Variants in CLYBL observed in about 807,000 individuals in gnomAD.
CLYBL encodes the protein citramalyl-CoA lyase.
In CLYBL, 31 loss-of-function variants were observed where a neutral mutation model predicts 38.9. That is an observed-to-expected ratio of 0.80 (90% confidence interval 0.60 to 1.08). CLYBL has a LOEUF of 1.08. CLYBL is among the 50% of genes least tolerant of loss of function. The pLI, the probability that CLYBL is intolerant of heterozygous loss-of-function variation, is 0.00. For synonymous variants in CLYBL, 171 were observed against 158.6 expected, an observed-to-expected ratio of 1.08 and a Z score of -0.59; for missense variants, 434 against 411.6, an observed-to-expected ratio of 1.05 and a Z score of -0.47.
At chr13:99,674,133 A>G (rs933727712) in intron 1 of CLYBL, among the ~76,000 whole-genome samples, 1 of 137,068 alleles carries the variant, frequency 7.3e-6, no homozygotes. Flanking sequence ...TTTTTTAGCT[A>G]CTAGAATTCT....
intron 1 of CLYBL, among the ~76,000 whole-genome samples, chr13:99,737,745 C>T (rs1204417215): frequency 6.6e-6 from 1 of 152,216 alleles, no homozygotes; most frequent in Non-Finnish European, 1.5e-5. Context: ...TTGTTTGTCC[C>T]ATGACCCAGA....
At chr13:99,654,095 C>T (rs750961646) in intron 1 of CLYBL, among the ~76,000 whole-genome samples, 3 of 152,154 alleles carry the variant, frequency 2.0e-5, no homozygotes, top group Non-Finnish European at 2.9e-5. Context: ...GCTCCCACCA[C>T]GTGGGGTAGG....
In CLYBL at chr13:99,716,635, C is replaced by G. The variant is rs898530198; in HGVS notation, c.63-56189C>G. ...CTGACCTCAGGTGATCCACCCACCT[C>G]GGCCTCCCAAAGTGCTGGGATTACA... On this transcript the variant is annotated intron_variant, in intron 1 of 8. Transcript: ENST00000339105. Among the ~76,000 whole-genome samples the G allele has an allele frequency of 1.7e-4, 26 of 150,916 alleles. 1 individual carries two copies. The highest frequency in any genetic ancestry group is 6.0e-4 in the East Asian group (3 of 5,030).
At chr13:99,777,232 C>G (rs1287763751) in intron 2 of CLYBL, among the ~76,000 whole-genome samples, 1 of 152,128 alleles carries the variant, frequency 6.6e-6, no homozygotes. Flanking sequence ...AAACCTAACT[C>G]TCCTAAAATC....
rs369360327 is a variant in CLYBL, at chr13:99,667,433, CT to C, written c.62+60699del. ...GTATAGTCCTACTTAAAGAATCTTG[CT>C]TTTTTTTTTTTTTTTTTTTTTTAGA... On this transcript the variant is annotated intron_variant, in intron 1 of 8. Coordinates refer to ENST00000339105, the MANE Select transcript of CLYBL (RefSeq NM_206808.5). Among the ~76,000 whole-genome samples the C allele has an allele frequency of 9.0e-3, 1,156 of 127,754 alleles. 12 individuals carry two copies. The highest frequency in any genetic ancestry group is 0.028 in the African/African-American group (938 of 33,988). 83.8% of individuals were successfully genotyped at this position (127,754 alleles called of 152,430 possible). A position where few individuals can be genotyped will look rare whatever the true frequency, so the allele number is the denominator to read the frequency against.
intron 8 of CLYBL, among the ~76,000 whole-genome samples, chr13:99,902,819 C>G (rs940202301): frequency 6.6e-6 from 1 of 152,164 alleles, no homozygotes; most frequent in Non-Finnish European, 1.5e-5. Context: ...CCAGCTTTTT[C>G]TTTTTATGAG....
chr13:99,812,697 A>G (rs2050366084), intron 2 of CLYBL, among the ~76,000 whole-genome samples: 1 of 152,254 alleles, frequency 6.6e-6, no homozygotes, highest in Non-Finnish European at 1.5e-5. Context: ...GGAAAAGCGT[A>G]ATCACGTGCT....
chr13:99,730,150 T>G (rs1399200646), intron 1 of CLYBL, among the ~76,000 whole-genome samples: 1 of 152,206 alleles, frequency 6.6e-6, no homozygotes, highest in African/African-American at 2.4e-5. Context: ...TTCCAAGGCC[T>G]TGTCACAGTG....
intron 2 of CLYBL, among the ~76,000 whole-genome samples, chr13:99,837,739 T>C (rs1300506531): frequency 6.6e-6 from 1 of 152,196 alleles, no homozygotes; most frequent in Non-Finnish European, 1.5e-5. Context: ...CATTTATGTG[T>C]GCACCAGCGC....
At chr13:99,855,508 A>G (rs1303944641) in intron 2 of CLYBL, among the ~76,000 whole-genome samples, 2 of 152,190 alleles carry the variant, frequency 1.3e-5, no homozygotes, top group Non-Finnish European at 2.9e-5. Flanking sequence ...AGAAAGAAAA[A>G]GAAGGAAAGT....
intron 2 of CLYBL, among the ~76,000 whole-genome samples, chr13:99,828,737 C>T (rs999012898): frequency 2.0e-5 from 3 of 152,144 alleles, no homozygotes; most frequent in African/African-American, 4.8e-5. Flanking sequence ...ATATATAATA[C>T]ATACACCATT....
intron 1 of CLYBL, among the ~76,000 whole-genome samples, chr13:99,751,100 C>G (rs2048948836): frequency 6.6e-6 from 1 of 152,220 alleles, no homozygotes; most frequent in South Asian, 2.1e-4. Context: ...GCAGCATCCC[C>G]AGTGTCCATT....
intron 1 of CLYBL, among the ~76,000 whole-genome samples, chr13:99,703,585 A>G (rs934035101): frequency 2.0e-5 from 3 of 152,194 alleles, no homozygotes; most frequent in Admixed American, 2.0e-4. Flanking sequence ...TAGCCAGAGT[A>G]GTCCGATCTC....
intron 7 of CLYBL, among the ~76,000 whole-genome samples, chr13:99,890,015 G>A (rs2052447405): frequency 6.6e-6 from 1 of 152,200 alleles, no homozygotes; most frequent in African/African-American, 2.4e-5. Context: ...GGTGGATTAG[G>A]ATGAAGGGAT....
chr13:99,649,682 G>A (rs753601082), intron 1 of CLYBL, among the ~76,000 whole-genome samples: 6 of 151,822 alleles, frequency 4.0e-5, no homozygotes, highest in Non-Finnish European at 5.9e-5. Flanking sequence ...CTGGGCAACA[G>A]AGCGAAACCC....
intron 2 of CLYBL, among the ~76,000 whole-genome samples, chr13:99,841,667 C>T (rs908257912): frequency 3.9e-5 from 6 of 152,110 alleles, no homozygotes; most frequent in South Asian, 2.1e-4. Context: ...CCCAAAGTGC[C>T]GGCATCACAG....
rs1555312479 is a variant in CLYBL, at chr13:99,819,464, AT to A, written c.250-39396del. ...TATATATATATATATATATATATATATATAATATTTGTCAGGGTTGTCTGGG... is the reference window on the plus strand; with the variant it reads ...TATATATATATATATATATATATATAATAATATTTGTCAGGGTTGTCTGGG... On this transcript the variant is annotated intron_variant, in intron 2 of 8. Coordinates refer to ENST00000339105, the MANE Select transcript of CLYBL (RefSeq NM_206808.5). Among the ~76,000 whole-genome samples the A allele has an allele frequency of 4.5e-3, 232 of 51,310 alleles. 11 individuals are homozygous for A. Among genetic ancestry groups the A allele is most frequent in the African/African-American group, 0.016 (178 of 11,114 alleles). The allele number at this position is 51,310 out of a possible 152,430, so 33.7% of individuals were successfully genotyped here.
rs73572512 is a variant in CLYBL at position 99,804,690 on chromosome 13, A to C, written c.249+31680A>C. Among the ~76,000 whole-genome samples, 1,288 of 152,330 alleles carry C rather than the reference A, an allele frequency of 8.5e-3. 15 individuals are homozygous for C. The highest frequency in any genetic ancestry group is 0.029 in the African/African-American group (1,205 of 41,584). ...ATACTTGATAAATGTCAATATAGTA[A>C]CTGGTAAGTTGTTAATATATCACCT... On this transcript the variant is annotated intron_variant, in intron 2 of 8. Coordinates refer to ENST00000339105, the MANE Select transcript of CLYBL (RefSeq NM_206808.5).
exon 10 of CLYBL, among the ~76,000 whole-genome samples, chr13:99,909,359 G>A (rs1450694777): frequency 6.6e-6 from 1 of 152,248 alleles, no homozygotes; most frequent in Admixed American, 6.5e-5. Flanking sequence ...GTGAGTGAAT[G>A]TTTGTAAAAC....
Sources: allele counts gnomAD v4.1 joint callset (sites outside exome capture counted in the v4.1 genomes callset), GRCh38; gene constraint gnomAD v4.1.1; transcripts MANE v1.5; gene names NCBI Gene and HGNC (gene_info 2026-07-23, HGNC 2026-07-21).